KLF6: variants seen among roughly 807,000 people sequenced by gnomAD.
KLF6 encodes the protein KLF transcription factor 6.
For synonymous variants in KLF6, 152 were observed against 147.9 expected, an observed-to-expected ratio of 1.03 and a Z score of -0.20; for missense variants, 233 against 359.8, an observed-to-expected ratio of 0.65 and a Z score of 2.85.
At position 3,781,376 on chromosome 10, in the gene KLF6, T is replaced by C. The variant is rs958479526; in HGVS notation, c.676+265A>G. The stretch of plus-strand genomic sequence containing the variant: ...CTACTAAGGGGTGGGGGGTGGAGGT[T>C]TGGGTGTCCGTGGAGAAAAGGATCT... On this transcript the variant is annotated intron_variant, in intron 2 of 3. Transcript: ENST00000497571. This position sits in a 1 kb window ranked among gnomAD's most constrained non-coding sequence, Gnocchi z 5.8. 1.7e-5 allele frequency: 24 copies of C among 1,449,242 alleles called. No individual in the cohort carries two copies. The highest frequency in any genetic ancestry group is 2.2e-5 in the Non-Finnish European group (24 of 1,098,332). 89.8% of individuals were successfully genotyped at this position (1,449,242 alleles called of 1,614,324 possible).
intron 1 of KLF6, among the ~76,000 whole-genome samples, chr10:3,783,536 C>G (rs1436462660): frequency 6.6e-6 from 1 of 152,158 alleles, no homozygotes; most frequent in Non-Finnish European, 1.5e-5. Context: ...AATCCCTCCC[C>G]CTCCCCAGGC....
chr10:3,778,636 T>G lies in KLF6; in HGVS notation c.*903A>C, dbSNP rs1316245148. ...CAAACTTGGAGGGGAAAAAAAATTG[T>G]ATATTGCCAGGCCCGGATGGCTAGG... On this transcript the variant is annotated 3_prime_UTR_variant, in exon 4 of 4. Coordinates refer to ENST00000497571, the MANE Select transcript of KLF6 (RefSeq NM_001300.6). The G allele has an allele frequency of 3.9e-6, 2 of 515,196 alleles. No homozygotes were observed. Among genetic ancestry groups the G allele is most frequent in the South Asian group, 3.1e-5 (2 of 63,872 alleles). The allele number at this position is 515,196 out of a possible 1,614,324, so 31.9% of individuals were successfully genotyped here. A position where few individuals can be genotyped will look rare whatever the true frequency, so the allele number is the denominator to read the frequency against.
chr10:3,777,177 A>C lies in KLF6; in HGVS notation c.*2362T>G, dbSNP rs1159560059. 2 of 514,946 alleles carry C rather than the reference A, an allele frequency of 3.9e-6. No homozygotes were observed. The highest frequency in any genetic ancestry group is 4.2e-5 in the East Asian group (1 of 23,568). The allele number at this position is 514,946 out of a possible 1,614,324, so 31.9% of individuals were successfully genotyped here. ...GCGTTAGTCACTGCTCATTTCCAGG[A>C]AGATCAAACAAAATACCAGCCCAGC... On this transcript the variant is annotated 3_prime_UTR_variant, in exon 4 of 4. Coordinates refer to ENST00000497571, the MANE Select transcript of KLF6 (RefSeq NM_001300.6).
rs1336006380 is a variant in KLF6 at position 3,781,260 on chromosome 10, C to T, written c.676+381G>A. 23 of 637,180 alleles carry T rather than the reference C, an allele frequency of 3.6e-5. No homozygotes were observed. Among genetic ancestry groups the T allele is most frequent in the Non-Finnish European group, 5.7e-5 (22 of 388,080 alleles). 39.5% of individuals were successfully genotyped at this position (637,180 alleles called of 1,614,324 possible). A position where few individuals can be genotyped will look rare whatever the true frequency, so the allele number is the denominator to read the frequency against. ...CTGCCCAGCAACCCTCTGTCCTGACCCTTGAGTTTCATTTAGGAAACCCCA... is the reference window on the plus strand; with the variant it reads ...CTGCCCAGCAACCCTCTGTCCTGACTCTTGAGTTTCATTTAGGAAACCCCA... On this transcript the variant is annotated intron_variant, in intron 2 of 3. Coordinates refer to ENST00000497571, the MANE Select transcript of KLF6 (RefSeq NM_001300.6). The surrounding 1 kb of genome is among the most constrained non-coding windows in gnomAD (Gnocchi z 5.8).
In KLF6 at chr10:3,781,908, A is replaced by G; in HGVS notation, c.409T>C (p.Ser137Pro). ...GTGACAGAGGAGCTCAATTTTCCCGAGCTGACCAAAACTTCGCCAATGGGG... is the reference window on the plus strand; with the variant it reads ...GTGACAGAGGAGCTCAATTTTCCCGGGCTGACCAAAACTTCGCCAATGGGG... Reference protein sequence around the residue: ...SDPIGEVLVSSGKLSSSVTST... With the variant: ...SDPIGEVLVSPGKLSSSVTST... Residue 137 changes from serine to proline, a missense_variant, in exon 2 of 4, where the codon TCG (serine) becomes CCG (proline). By Grantham distance (74) the Ser-to-Pro change is moderately conservative. Coordinates refer to ENST00000497571, the MANE Select transcript of KLF6 (RefSeq NM_001300.6). The surrounding 1 kb of genome is among the most constrained non-coding windows in gnomAD (Gnocchi z 5.8). The G allele has an allele frequency of 6.2e-7, 1 of 1,614,158 alleles. No homozygotes were observed. The highest frequency in any genetic ancestry group is 1.3e-5 in the African/African-American group (1 of 75,024).
chr10:3,777,559 A>G lies in KLF6; in HGVS notation c.*1980T>C. Reference sequence around the variant, plus strand: ...TGCCCATTTGATGGACAGAGCAGACAGCCCGGAACAGATTCAAGCAAGAAA... The same window carrying G: ...TGCCCATTTGATGGACAGAGCAGACGGCCCGGAACAGATTCAAGCAAGAAA... On this transcript the variant is annotated 3_prime_UTR_variant, in exon 4 of 4. Transcript: ENST00000497571. 2.0e-6 allele frequency: 1 copy of G among 510,848 alleles called. No individual in the cohort carries two copies. The highest frequency in any genetic ancestry group is 3.8e-6 in the Non-Finnish European group (1 of 261,440). The allele number at this position is 510,848 out of a possible 1,614,324, so 31.6% of individuals were successfully genotyped here. A position where few individuals can be genotyped will look rare whatever the true frequency, so the allele number is the denominator to read the frequency against.
At chr10:3,783,731 T>C (rs914550192) in intron 1 of KLF6, among the ~76,000 whole-genome samples, 1 of 152,332 alleles carries the variant, frequency 6.6e-6, no homozygotes, top group African/African-American at 2.4e-5. Flanking sequence ...ACTTTAATAA[T>C]CCGGCCAATT....
rs1385048533 is a variant in KLF6, at chr10:3,779,465, C to T, written c.*74G>A. 3 of 1,283,450 alleles carry T rather than the reference C, an allele frequency of 2.3e-6. No homozygotes were observed. Among genetic ancestry groups the T allele is most frequent in the Admixed American group, 3.4e-5 (2 of 58,814 alleles). The allele number at this position is 1,283,450 out of a possible 1,614,324, so 79.5% of individuals were successfully genotyped here. On this transcript the variant is annotated 3_prime_UTR_variant, in exon 4 of 4. Transcript: ENST00000497571. ...GCAGAACGGCATGCTTTGGCTGGAA[C>T]ACGCATCCCTCCTTCCACGGCCGGC... is the stretch of plus-strand genomic sequence containing the variant.
chr10:3,778,467 T>C lies in KLF6; in HGVS notation c.*1072A>G, dbSNP rs779323593. 1.9e-6 allele frequency: 1 copy of C among 524,882 alleles called. No homozygotes were observed. The allele number at this position is 524,882 out of a possible 1,614,324, so 32.5% of individuals were successfully genotyped here. On this transcript the variant is annotated 3_prime_UTR_variant, in exon 4 of 4. Transcript: ENST00000497571. ...GTCTAATGAAACATTAGACCAGCAA[T>C]TCCCAGCCCCAGCTTTGTGACACTC...
rs182339241 is a variant in KLF6 at position 3,781,389 on chromosome 10, G to A, written c.676+252C>T. 35 of 1,465,196 alleles carry A rather than the reference G, an allele frequency of 2.4e-5. 1 individual carries two copies. The East Asian group carries it at 7.7e-4, about 32-fold the overall frequency. 90.8% of individuals were successfully genotyped at this position (1,465,196 alleles called of 1,614,324 possible). On this transcript the variant is annotated intron_variant, in intron 2 of 3. Coordinates refer to ENST00000497571, the MANE Select transcript of KLF6 (RefSeq NM_001300.6). This position sits in a 1 kb window ranked among gnomAD's most constrained non-coding sequence, Gnocchi z 5.8. ...GGGGGTGGAGGTTTGGGTGTCCGTG[G>A]AGAAAAGGATCTAGTCTCTTGTTTG...
At position 3,779,462 on chromosome 10, in the gene KLF6, G is replaced by T; in HGVS notation, c.*77C>A. The T allele has an allele frequency of 7.9e-7, 1 of 1,266,472 alleles. No homozygotes were observed. Among genetic ancestry groups the T allele is most frequent in the Non-Finnish European group, 1.2e-6 (1 of 864,926 alleles). The allele number at this position is 1,266,472 out of a possible 1,614,324, so 78.5% of individuals were successfully genotyped here. On this transcript the variant is annotated 3_prime_UTR_variant, in exon 4 of 4. Coordinates refer to ENST00000497571, the MANE Select transcript of KLF6 (RefSeq NM_001300.6). ...GGTGCAGAACGGCATGCTTTGGCTG[G>T]AACACGCATCCCTCCTTCCACGGCC... is the stretch of plus-strand genomic sequence containing the variant.
rs765619505 is a variant in KLF6, at chr10:3,781,945, C to G, written c.372G>C (p.Lys124Asn). The G allele has an allele frequency of 2.5e-6, 4 of 1,614,220 alleles. No individual in the cohort carries two copies. The Admixed American group carries it at 6.7e-5, about 27-fold the overall frequency. Reference protein sequence around the residue: ...DSSEELSPTAKFTSDPIGEVL... With the variant: ...DSSEELSPTANFTSDPIGEVL... The stretch of plus-strand genomic sequence containing the variant: ...CTTCGCCAATGGGGTCGGAGGTAAA[C>G]TTGGCCGTGGGAGAAAGTTCCTCGG... The change falls in exon 2 of 4, where the codon AAG becomes AAC. Residue 124 changes from lysine (K) to asparagine (N), a missense_variant. Transcript: ENST00000497571. This position sits in a 1 kb window ranked among gnomAD's most constrained non-coding sequence, Gnocchi z 5.8.
Position 3,776,931 on chromosome 10 carries a change from C to CTTTTTTTTTTTTTTTTTTTTT in KLF6, c.*2607_*2608insAAAAAAAAAAAAAAAAAAAAA. 2.2e-6 allele frequency: 1 copy of CTTTTTTTTTTTTTTTTTTTTT among 457,044 alleles called. No individual in the cohort carries two copies. The allele number at this position is 457,044 out of a possible 1,614,324, so 28.3% of individuals were successfully genotyped here. On this transcript the variant is annotated 3_prime_UTR_variant, in exon 4 of 4. Transcript: ENST00000497571. ...CAAGCCAGTGCAAGTTTTTTTTTTT[C>CTTTTTTTTTTTTTTTTTTTTT]CTTTTTTTTTTTTTGTCTTTTGCTT...
Position 3,779,384 on chromosome 10 carries a change from T to C in KLF6, c.*155A>G, listed in dbSNP as rs771950159. ...GTGCTATGCCGCTTCTTACAGGACC[T>C]TTTTAGCCCTCAAAAGACCTTCCAA... is the stretch of plus-strand genomic sequence containing the variant. On this transcript the variant is annotated 3_prime_UTR_variant, in exon 4 of 4. Coordinates refer to ENST00000497571, the MANE Select transcript of KLF6 (RefSeq NM_001300.6). 14 of 716,604 alleles carry C rather than the reference T, an allele frequency of 2.0e-5. No individual in the cohort carries two copies. Among genetic ancestry groups the C allele is most frequent in the Non-Finnish European group, 3.5e-5 (14 of 395,628 alleles). 44.4% of individuals were successfully genotyped at this position (716,604 alleles called of 1,614,324 possible). A position where few individuals can be genotyped will look rare whatever the true frequency, so the allele number is the denominator to read the frequency against.
chr10:3,778,559 C>G lies in KLF6; in HGVS notation c.*980G>C. Reference sequence around the variant, plus strand: ...CAAAAAGTTAATTCAAATTCAGAATCATTTAAAAATAATCCTGTGTTGCAC... The same window carrying G: ...CAAAAAGTTAATTCAAATTCAGAATGATTTAAAAATAATCCTGTGTTGCAC... On this transcript the variant is annotated 3_prime_UTR_variant, in exon 4 of 4. Transcript: ENST00000497571. The G allele has an allele frequency of 1.9e-6, 1 of 520,530 alleles. No individual in the cohort carries two copies. Among genetic ancestry groups the G allele is most frequent in the Non-Finnish European group, 3.7e-6 (1 of 267,810 alleles). 32.2% of individuals were successfully genotyped at this position (520,530 alleles called of 1,614,324 possible).
Position 3,776,790 on chromosome 10 carries a change from A to G in KLF6, c.*2749T>C, listed in dbSNP as rs1445376859. The G allele has an allele frequency of 1.9e-6, 1 of 516,902 alleles. No individual in the cohort carries two copies. The highest frequency in any genetic ancestry group is 2.3e-5 in the Admixed American group (1 of 44,250). 32.0% of individuals were successfully genotyped at this position (516,902 alleles called of 1,614,324 possible). On this transcript the variant is annotated 3_prime_UTR_variant, in exon 4 of 4. Coordinates refer to ENST00000497571, the MANE Select transcript of KLF6 (RefSeq NM_001300.6). Reference sequence around the variant, plus strand: ...TCTGCTTGATTGAGGCTCAGTTATCACCTGAACAGAATGTACTTCTTTATG... The same window carrying G: ...TCTGCTTGATTGAGGCTCAGTTATCGCCTGAACAGAATGTACTTCTTTATG...
Position 3,782,034 on chromosome 10 carries a change from A to G in KLF6, c.283T>C (p.Phe95Leu). 1 of 1,614,220 alleles carries G rather than the reference A, an allele frequency of 6.2e-7. No individual in the cohort carries two copies. The highest frequency in any genetic ancestry group is 8.5e-7 in the Non-Finnish European group (1 of 1,180,034). ...PPEDTLISPS[F>L]CYNLETNSLN... ...CTGTTGGTCTCTAAGTTGTAACAAA[A>G]GCTCGGGCTGATGAGAGTGTCCTCT... The change falls in exon 2 of 4, where the codon TTT (phenylalanine) becomes CTT (leucine). Residue 95 changes from phenylalanine to leucine, a missense_variant. Physicochemically the swap from Phe to Leu is conservative, Grantham distance 22. Transcript: ENST00000497571. The surrounding 1 kb of genome is among the most constrained non-coding windows in gnomAD (Gnocchi z 4.3).
In KLF6 at chr10:3,781,339, G is replaced by A. The variant is rs3829201; in HGVS notation, c.676+302C>T. 0.12 allele frequency: 157,147 copies of A among 1,279,364 alleles called. 10,535 individuals are homozygous for A. The highest frequency in any genetic ancestry group is 0.14 in the Non-Finnish European group (131,720 of 958,044). The allele number at this position is 1,279,364 out of a possible 1,614,324, so 79.3% of individuals were successfully genotyped here. ...GCACTGGTGAAGGGGCAGTGGCCTC[G>A]GATCCCCAGCACTACTAAGGGGTGG... On this transcript the variant is annotated intron_variant, in intron 2 of 3. Coordinates refer to ENST00000497571, the MANE Select transcript of KLF6 (RefSeq NM_001300.6). The surrounding 1 kb of genome is among the most constrained non-coding windows in gnomAD (Gnocchi z 5.8).
In KLF6 at chr10:3,778,996, G is replaced by A. The variant is rs969497869; in HGVS notation, c.*543C>T. On this transcript the variant is annotated 3_prime_UTR_variant, in exon 4 of 4. Transcript: ENST00000497571. ...CCACTCTGGGGTCCTGAGTTCCCAC[G>A]CCCACCCTCCAAGATTTTCCTTCTT... The A allele has an allele frequency of 3.4e-5, 18 of 532,706 alleles. No individual in the cohort carries two copies. The highest frequency in any genetic ancestry group is 2.1e-4 in the African/African-American group (11 of 53,584). The allele number at this position is 532,706 out of a possible 1,614,324, so 33.0% of individuals were successfully genotyped here.
Sources: allele counts gnomAD v4.1 joint callset (sites outside exome capture counted in the v4.1 genomes callset), GRCh38; gene constraint gnomAD v4.1.1; non-coding constraint Gnocchi (gnomAD v3.1); transcripts MANE v1.5; gene names NCBI Gene and HGNC (gene_info 2026-07-23, HGNC 2026-07-21).